Variants in SPAG16 observed in about 807,000 individuals in gnomAD.
SPAG16 encodes the protein sperm-associated antigen 16 protein.
SPAG16 carries 86 observed loss-of-function variants against 80.4 expected under a neutral mutation model. The observed-to-expected ratio is 1.07, with a 90% CI of 0.90 to 1.28. The LOEUF is 1.28. Ranked by LOEUF, SPAG16 falls within the 50% of genes most tolerant of loss-of-function variation. The pLI, the probability that SPAG16 is intolerant of heterozygous loss-of-function variation, is 0.00. For missense variants in SPAG16, 870 were observed against 765.3 expected (o/e 1.14, Z -1.61); for synonymous variants, 294 against 265.9 (o/e 1.11, Z -1.03).
At chr2:214,157,332 ATTTCATT>A (rs2056259745) in intron 15 of SPAG16, among the ~76,000 whole-genome samples, 1 of 152,128 alleles carries the variant, frequency 6.6e-6, no homozygotes, top group Non-Finnish European at 1.5e-5. Flanking sequence ...TCAGAATTGC[ATTTCATT>A]AAAATGTAAT....
rs1158447338 is a variant in SPAG16 at position 214,041,978 on chromosome 2, GTATATATATATA to G, written c.1527+27920_1527+27931del. On this transcript the variant is annotated intron_variant, in intron 13 of 15. Coordinates refer to ENST00000331683, the MANE Select transcript of SPAG16 (RefSeq NM_024532.5). ...TGTATATATTTGTGTGTCTGTGTGT[GTATATATATATA>G]TATATATATATATATATACACACAC... Among the ~76,000 whole-genome samples the G allele has an allele frequency of 1.0e-3, 118 of 116,366 alleles. 2 individuals carry two copies. Among genetic ancestry groups the G allele is most frequent in the African/African-American group, 3.7e-3 (113 of 30,914 alleles). The allele number at this position is 116,366 out of a possible 152,430, so 76.3% of individuals were successfully genotyped here. A position where few individuals can be genotyped will look rare whatever the true frequency, so the allele number is the denominator to read the frequency against.
At chr2:213,285,167 CTACT>C (rs995224086) in intron 1 of SPAG16, among the ~76,000 whole-genome samples, 2 of 152,160 alleles carry the variant, frequency 1.3e-5, no homozygotes, top group African/African-American at 4.8e-5. Context: ...CCAAGTTTGA[CTACT>C]TAATAATAAA....
At chr2:214,344,703 T>G (rs984503478) in intron 15 of SPAG16, among the ~76,000 whole-genome samples, 3 of 152,172 alleles carry the variant, frequency 2.0e-5, no homozygotes, top group African/African-American at 7.2e-5. Context: ...TATTCTCTGC[T>G]CCTGCAGCTG....
chr2:214,025,213 T>C (rs2048070061), intron 13 of SPAG16, among the ~76,000 whole-genome samples: 2 of 151,722 alleles, frequency 1.3e-5, no homozygotes, highest in South Asian at 4.1e-4. Flanking sequence ...TCTCTTTGGT[T>C]GATGGGTTAA....
chr2:213,630,051 C>A (rs2062089552), intron 10 of SPAG16, among the ~76,000 whole-genome samples: 1 of 152,222 alleles, frequency 6.6e-6, no homozygotes, highest in Non-Finnish European at 1.5e-5. Flanking sequence ...ATCCATATAA[C>A]CATTGCCCTG....
chr2:214,128,423 T>C (rs2054600183), intron 14 of SPAG16, among the ~76,000 whole-genome samples: 1 of 151,796 alleles, frequency 6.6e-6, no homozygotes, highest in Non-Finnish European at 1.5e-5. Flanking sequence ...ACTCAAGGCT[T>C]TTCATTGTCT....
chr2:213,693,683 C>A (rs1559381802), intron 10 of SPAG16, among the ~76,000 whole-genome samples: 2 of 152,076 alleles, frequency 1.3e-5, no homozygotes, highest in Non-Finnish European at 2.9e-5. Flanking sequence ...GGCCAAGTTG[C>A]CTCTGTGGAA....
intron 13 of SPAG16, among the ~76,000 whole-genome samples, chr2:214,103,750 C>CAG (rs970694315): frequency 3.9e-5 from 6 of 151,974 alleles, no homozygotes; most frequent in African/African-American, 1.5e-4. Flanking sequence ...ACCATTTACT[C>CAG]AGAGAGAAGA....
chr2:213,954,931 C>A (rs1033430469), intron 12 of SPAG16, among the ~76,000 whole-genome samples: 4 of 152,114 alleles, frequency 2.6e-5, no homozygotes, highest in African/African-American at 9.7e-5. Context: ...GTTTTCCATT[C>A]ACATTTTATT....
At chr2:213,777,600 G>T (rs1403119491) in intron 10 of SPAG16, among the ~76,000 whole-genome samples, 1 of 152,042 alleles carries the variant, frequency 6.6e-6, no homozygotes, top group Non-Finnish European at 1.5e-5. Context: ...GTAGAGACGG[G>T]GTTTCACCTT....
intron 9 of SPAG16, among the ~76,000 whole-genome samples, chr2:213,443,252 C>G (rs750016834): frequency 9.9e-5 from 15 of 152,132 alleles, no homozygotes; most frequent in Non-Finnish European, 1.8e-4. Context: ...TACATTAGAT[C>G]TGTAGATTAA....
chr2:213,507,991 C>G (rs1291304762), intron 10 of SPAG16, among the ~76,000 whole-genome samples: 1 of 152,210 alleles, frequency 6.6e-6, no homozygotes, highest in African/African-American at 2.4e-5. Context: ...ATGATTGATA[C>G]TTTAAGCTCA....
At chr2:213,429,935 TG>T (rs1348062802) in intron 9 of SPAG16, among the ~76,000 whole-genome samples, 1 of 152,208 alleles carries the variant, frequency 6.6e-6, no homozygotes, top group Non-Finnish European at 1.5e-5. Flanking sequence ...GAAAAAGTAA[TG>T]TGTAATGATA....
At chr2:214,250,755 T>TAGAGAGAGAGAGAGAG (rs1192976006) in intron 15 of SPAG16, among the ~76,000 whole-genome samples, 1 of 96,692 alleles carries the variant, frequency 1.0e-5, no homozygotes, top group African/African-American at 3.8e-5. Context: ...TATATATATA[T>TAGAGAGAGAGAGAGAG]ATAGAGAGAG....
chr2:214,142,461 GAGTA>G (rs2055412122), intron 14 of SPAG16, among the ~76,000 whole-genome samples: 1 of 152,018 alleles, frequency 6.6e-6, no homozygotes, highest in African/African-American at 2.4e-5. Flanking sequence ...AGCTTCTTTT[GAGTA>G]AGTAAAAGGT....
intron 10 of SPAG16, among the ~76,000 whole-genome samples, chr2:213,509,536 A>G (rs2075132162): frequency 6.6e-6 from 1 of 152,172 alleles, no homozygotes. Context: ...TCATCTATTG[A>G]TAGACTAGAA....
At chr2:214,043,593 A>G (rs1018050367) in intron 13 of SPAG16, among the ~76,000 whole-genome samples, 27 of 152,188 alleles carry the variant, frequency 1.8e-4, no homozygotes, top group African/African-American at 6.5e-4. Flanking sequence ...GAAATGGGGA[A>G]AAAACTCAGT....
chr2:214,074,912 G>C (rs189824429), intron 13 of SPAG16, among the ~76,000 whole-genome samples: 2 of 151,976 alleles, frequency 1.3e-5, no homozygotes, highest in Non-Finnish European at 2.9e-5. Context: ...TGCAGAGTGG[G>C]AAAAGAATAT....
intron 12 of SPAG16, among the ~76,000 whole-genome samples, chr2:213,938,991 A>C (rs2079096571): frequency 2.0e-5 from 3 of 152,132 alleles, no homozygotes; most frequent in Admixed American, 2.0e-4. Flanking sequence ...GAACTTGTTA[A>C]CTTGTGTTCT....
Sources: allele counts gnomAD v4.1 joint callset (sites outside exome capture counted in the v4.1 genomes callset), GRCh38; gene constraint gnomAD v4.1.1; transcripts MANE v1.5; gene names NCBI Gene and HGNC (gene_info 2026-07-23, HGNC 2026-07-21).